TEC: variants seen among roughly 807,000 people sequenced by gnomAD.
The protein encoded by TEC is tec protein tyrosine kinase.
A neutral mutation model predicts 93.0 loss-of-function variants in TEC; 72 were observed. That is an observed-to-expected ratio of 0.77 (90% CI 0.64 to 0.94). The LOEUF (loss-of-function observed/expected upper bound fraction) is 0.94. Ranked by LOEUF, TEC falls within the 40% of genes least tolerant of loss-of-function variation. TEC has a pLI of 0.00. For missense variants in TEC, 630 were observed against 757.9 expected (o/e 0.83, Z 1.98); for synonymous variants, 249 against 247.7 (o/e 1.01, Z -0.05).
chr4:48,231,492 C>T (rs1011627999), intron 1 of TEC, among the ~76,000 whole-genome samples: 2 of 152,216 alleles, frequency 1.3e-5, no homozygotes, highest in Non-Finnish European at 2.9e-5. Flanking sequence ...CACGGTGGCT[C>T]ACGCCTGTAA....
At chr4:48,170,173 A>G (rs1721043411) in intron 5 of TEC, 75 bp downstream of exon 5, 1 of 1,278,586 alleles carries the variant, frequency 7.8e-7, no homozygotes, top group East Asian at 2.4e-5. Flanking sequence ...AATCAAAACC[A>G]TGTCACTTTC....
intron 2 of TEC, among the ~76,000 whole-genome samples, chr4:48,211,722 T>G (rs1463283912): frequency 6.6e-6 from 1 of 152,208 alleles, no homozygotes; most frequent in South Asian, 2.1e-4. Context: ...AAAGTATATA[T>G]GAAATGTACC....
chr4:48,179,489 AGCAATTATCCT>A, intron 2 of TEC, among the ~76,000 whole-genome samples: 1 of 147,810 alleles, frequency 6.8e-6, no homozygotes, highest in East Asian at 2.1e-4. Flanking sequence ...CCTGGTTTCA[AGCAATTATCCT>A]GCCTTAGCCC....
At chr4:48,205,574 A>C (rs763626675) in intron 2 of TEC, among the ~76,000 whole-genome samples, 1 of 152,186 alleles carries the variant, frequency 6.6e-6, no homozygotes, top group Non-Finnish European at 1.5e-5. Flanking sequence ...GCCTATATGC[A>C]TTTTTTAAAA....
At chr4:48,165,219 T>C (rs566016343) in intron 7 of TEC, among the ~76,000 whole-genome samples, 241 of 152,248 alleles carry the variant, frequency 1.6e-3, no homozygotes, top group African/African-American at 4.6e-3. Flanking sequence ...TGGAACCAAA[T>C]ATATAAGTAT....
chr4:48,231,680 C>G (rs1490556350), intron 1 of TEC, among the ~76,000 whole-genome samples: 1 of 151,930 alleles, frequency 6.6e-6, no homozygotes, highest in African/African-American at 2.4e-5. Context: ...TGGCATGAAC[C>G]CAGGAGGCAG....
At chr4:48,244,248 T>C (rs1473547703) in intron 1 of TEC, among the ~76,000 whole-genome samples, 1 of 152,238 alleles carries the variant, frequency 6.6e-6, no homozygotes, top group African/African-American at 2.4e-5. Flanking sequence ...TTACTCCATT[T>C]TCACACTGCT....
intron 2 of TEC, 95 bp downstream of exon 2, chr4:48,228,382 C>A: frequency 4.5e-6 from 6 of 1,347,058 alleles, no homozygotes; most frequent in Non-Finnish European, 5.9e-6. Context: ...ACTTCATTAA[C>A]CCAAAGCATT....
intron 1 of TEC, among the ~76,000 whole-genome samples, chr4:48,248,660 A>G (rs1046806840): frequency 1.3e-5 from 2 of 152,212 alleles, no homozygotes; most frequent in African/African-American, 4.8e-5. Context: ...TTTGTATAAC[A>G]AGGTATGTAT....
chr4:48,240,783 T>A (rs887133693), intron 1 of TEC, among the ~76,000 whole-genome samples: 1 of 151,700 alleles, frequency 6.6e-6, no homozygotes, highest in Non-Finnish European at 1.5e-5. Flanking sequence ...AAAAGAATCA[T>A]TAGAAAGATT....
At chr4:48,189,294 C>G (rs1439566675) in intron 2 of TEC, among the ~76,000 whole-genome samples, 1 of 152,048 alleles carries the variant, frequency 6.6e-6, no homozygotes, top group African/African-American at 2.4e-5. Context: ...CTGCCTAACA[C>G]GCTCCCAACA....
At chr4:48,231,625 C>T (rs1272791203) in intron 1 of TEC, among the ~76,000 whole-genome samples, 4 of 151,928 alleles carry the variant, frequency 2.6e-5, no homozygotes, top group African/African-American at 7.3e-5. Flanking sequence ...GGCGTGGTGG[C>T]GGGGGCCTGT....
intron 2 of TEC, among the ~76,000 whole-genome samples, chr4:48,223,712 G>A (rs1309689760): frequency 2.0e-5 from 3 of 152,326 alleles, no homozygotes; most frequent in Non-Finnish European, 4.4e-5. Flanking sequence ...TTACAAGGCT[G>A]ATCCTTGCCT....
intron 2 of TEC, among the ~76,000 whole-genome samples, chr4:48,199,215 A>G (rs1180391164): frequency 1.3e-5 from 2 of 152,198 alleles, no homozygotes; most frequent in Non-Finnish European, 1.5e-5. Flanking sequence ...TTTAGGATAA[A>G]CAGCATTAAA....
chr4:48,231,477 C>T (rs2109643418), intron 1 of TEC, among the ~76,000 whole-genome samples: 1 of 152,318 alleles, frequency 6.6e-6, no homozygotes, highest in Non-Finnish European at 1.5e-5. Context: ...AGAACAGAGG[C>T]CGGGCACGGT....
In TEC at chr4:48,203,008, C is replaced by T. The variant is rs192279118; in HGVS notation, c.138+25469G>A. Reference sequence around the variant, plus strand: ...ACTGAGGGAACCAGCCAGACAAAGGCGAGGTGAGTTCCTTTTGTTTTCTTT... The same window carrying T: ...ACTGAGGGAACCAGCCAGACAAAGGTGAGGTGAGTTCCTTTTGTTTTCTTT... On this transcript the variant is annotated intron_variant, in intron 2 of 17. Coordinates refer to ENST00000381501, the MANE Select transcript of TEC (RefSeq NM_003215.3). 1.4e-3 allele frequency among the ~76,000 whole-genome samples: 218 copies of T among 152,256 alleles called. 2 individuals are homozygous for T. The highest frequency in any genetic ancestry group is 5.0e-3 in the African/African-American group (206 of 41,524).
chr4:48,174,344 G>A (rs2089511), intron 3 of TEC, among the ~76,000 whole-genome samples: 57,620 of 151,910 alleles, frequency 0.38, 11,940 homozygotes, highest in East Asian at 0.9. Flanking sequence ...TCAATCCCTA[G>A]CATGTCTAAT....
intron 1 of TEC, among the ~76,000 whole-genome samples, chr4:48,237,709 T>G (rs1040932581): frequency 1.3e-5 from 2 of 152,228 alleles, no homozygotes; most frequent in African/African-American, 4.8e-5. Context: ...ATAATTCAAT[T>G]TAATACTTGG....
chr4:48,205,728 A>G (rs1406087508), intron 2 of TEC, among the ~76,000 whole-genome samples: 1 of 152,226 alleles, frequency 6.6e-6, no homozygotes, highest in East Asian at 1.9e-4. Context: ...AGAAATTGGA[A>G]CGCTTGCACA....
Sources: gnomAD v4.1 joint callset for allele counts (sites outside exome capture counted in the v4.1 genomes callset) on GRCh38, gnomAD v4.1.1 for gene constraint, MANE v1.5 for transcripts, NCBI Gene and HGNC (gene_info 2026-07-23, HGNC 2026-07-21) for gene names.